Variants in AGAP1 observed in about 807,000 individuals in gnomAD.
AGAP1 encodes arf-GAP with GTPase, ANK repeat and PH domain-containing protein 1.
In AGAP1, 29 loss-of-function variants were observed where a neutral mutation model predicts 105.3. The observed-to-expected ratio is 0.28, with a 90% CI of 0.21 to 0.38. AGAP1 has a LOEUF of 0.38. Ranked by LOEUF, AGAP1 falls within the 10% of genes least tolerant of loss-of-function variation. AGAP1 has a pLI of 1.00. For synonymous variants in AGAP1, 509 were observed against 485.9 expected (o/e 1.05, Z -0.63); for missense variants, 998 against 1,165.1 (o/e 0.86, Z 2.09).
intron 15 of AGAP1, among the ~76,000 whole-genome samples, chr2:236,043,700 G>A (rs531851282): frequency 6.7e-5 from 10 of 149,822 alleles, no homozygotes; most frequent in East Asian, 2.0e-4. Flanking sequence ...CATCCTGGGC[G>A]ACAGAGTGAG....
At chr2:235,749,279 A>G (rs1219293622) in intron 5 of AGAP1, among the ~76,000 whole-genome samples, 1 of 151,780 alleles carries the variant, frequency 6.6e-6, no homozygotes, top group Non-Finnish European at 1.5e-5. Flanking sequence ...GGCTGTTCAC[A>G]TTCCAGCTCC....
rs114467284 is a variant in AGAP1 at position 235,661,414 on chromosome 2, G to A, written c.164-47765G>A. ...GCGGGAGAGTTGGGTGTGGGCGGGA[G>A]GCAGGACATTGAGGGAGCTCTGAAG... On this transcript the variant is annotated intron_variant, in intron 1 of 17. Coordinates refer to ENST00000304032, the MANE Select transcript of AGAP1 (RefSeq NM_001037131.3). Among the ~76,000 whole-genome samples the A allele has an allele frequency of 4.3e-3, 653 of 152,188 alleles. 5 individuals are homozygous for A. The highest frequency in any genetic ancestry group is 0.014 in the African/African-American group (591 of 41,518).
chr2:235,799,522 C>T lies in AGAP1; in HGVS notation c.957C>T (p.Thr319=), dbSNP rs2292708. 450,413 of 1,613,210 alleles carry T rather than the reference C, an allele frequency of 0.28. 67,803 individuals carry two copies. Among genetic ancestry groups the T allele is most frequent in the Admixed American group, 0.47 (28,160 of 59,962 alleles). The change falls in exon 8 of 18, where the codon ACC becomes ACT. Residue 319 remains threonine (T), a splice_region_variant and synonymous_variant. Transcript: ENST00000304032. This position sits in a 1 kb window ranked among gnomAD's most constrained non-coding sequence, Gnocchi z 5.0. ...CTAAGCGCCGGTCCAACCTGTTCAC[C>T]GTGAGTGTCAACCCTGGGTGGAGAT... ...KQSKRRSNLF[T]SRKGSDPDKE...
Position 236,009,678 on chromosome 2 carries a change from C to T in AGAP1, c.1646-26883C>T, listed in dbSNP as rs1050041511. Among the ~76,000 whole-genome samples the T allele has an allele frequency of 9.2e-5, 14 of 152,142 alleles. 1 individual carries two copies. The highest frequency in any genetic ancestry group is 3.1e-4 in the African/African-American group (13 of 41,424). On this transcript the variant is annotated intron_variant, in intron 13 of 17. Transcript: ENST00000304032. The surrounding 1 kb of genome is among the most constrained non-coding windows in gnomAD (Gnocchi z 4.2). ...GCACACCTCTTCAACCCATCCCCTT[C>T]CTCCATGGAGGTAAAAAGATCCTAT...
intron 9 of AGAP1, among the ~76,000 whole-genome samples, chr2:235,808,902 G>A (rs1415658442): frequency 6.6e-6 from 1 of 152,058 alleles, no homozygotes; most frequent in Non-Finnish European, 1.5e-5. Context: ...TTCTTTCTTG[G>A]TGCCTTTATT....
In AGAP1 at chr2:235,830,043, C is replaced by T. The variant is rs755521167; in HGVS notation, c.1050+22712C>T. On this transcript the variant is annotated intron_variant, in intron 9 of 17. Transcript: ENST00000304032. This position sits in a 1 kb window ranked among gnomAD's most constrained non-coding sequence, Gnocchi z 5.5. ...CACAGTCAGAAGGAAGACTGGGGGT[C>T]GGGGTGGGACAGCATGATGCAGAGC... is the stretch of plus-strand genomic sequence containing the variant. Among the ~76,000 whole-genome samples, 8 of 151,976 alleles carry T rather than the reference C, an allele frequency of 5.3e-5. No individual in the cohort carries two copies. Among genetic ancestry groups the T allele is most frequent in the Non-Finnish European group, 1.2e-4 (8 of 68,004 alleles).
intron 9 of AGAP1, among the ~76,000 whole-genome samples, chr2:235,836,835 G>A (rs893549110): frequency 2.4e-4 from 36 of 152,278 alleles, no homozygotes; most frequent in African/African-American, 7.7e-4. Flanking sequence ...AGAGCCACAG[G>A]GGCACAGACA....
chr2:236,015,798 A>G (rs1048183959), intron 13 of AGAP1, among the ~76,000 whole-genome samples: 7 of 152,120 alleles, frequency 4.6e-5, no homozygotes, highest in African/African-American at 1.7e-4. Context: ...TTATTTGGGG[A>G]TTATTATAAC....
rs1947125615 is a variant in AGAP1, at chr2:235,639,664, A to C, written c.164-69515A>C. On this transcript the variant is annotated intron_variant, in intron 1 of 17. Transcript: ENST00000304032. This position sits in a 1 kb window ranked among gnomAD's most constrained non-coding sequence, Gnocchi z 5.3. ...TTCTGGGCACACTGTTGTTTGGGGAAGAATCGCAGGGACTCTCCTTCACTC... is the reference window on the plus strand; with the variant it reads ...TTCTGGGCACACTGTTGTTTGGGGACGAATCGCAGGGACTCTCCTTCACTC... 6.6e-6 allele frequency among the ~76,000 whole-genome samples: 1 copy of C among 152,178 alleles called. No individual in the cohort carries two copies. Among genetic ancestry groups the C allele is most frequent in the African/African-American group, 2.4e-5 (1 of 41,442 alleles).
chr2:235,917,919 G>A (rs992803379), intron 11 of AGAP1, among the ~76,000 whole-genome samples: 2 of 152,144 alleles, frequency 1.3e-5, no homozygotes, highest in African/African-American at 4.8e-5. Context: ...TGTTTCAGTG[G>A]TAATAGCTAT....
At chr2:235,822,391 CGAGGAGGAGCTGGAGAAGCCCAGGGGT>C (rs1958838973) in intron 9 of AGAP1, among the ~76,000 whole-genome samples, 2 of 151,482 alleles carry the variant, frequency 1.3e-5, no homozygotes, top group Admixed American at 6.6e-5. Context: ...AGCCCAGGAG[CGAGGAGGAGCTGGAGAAGCCCAGGGGT>C]GAGGGGGAGA....
At chr2:235,768,612 A>G (rs565298365) in intron 6 of AGAP1, among the ~76,000 whole-genome samples, 17 of 152,346 alleles carry the variant, frequency 1.1e-4, no homozygotes, top group African/African-American at 3.8e-4. Flanking sequence ...TGGGGAGCCA[A>G]TGGGTAGAGC....
chr2:235,777,445 C>G lies in AGAP1; in HGVS notation c.674-20314C>G, dbSNP rs1041976089. Among the ~76,000 whole-genome samples, 2 of 152,252 alleles carry G rather than the reference C, an allele frequency of 1.3e-5. No individual in the cohort carries two copies. On this transcript the variant is annotated intron_variant, in intron 6 of 17. Transcript: ENST00000304032. This position sits in a 1 kb window ranked among gnomAD's most constrained non-coding sequence, Gnocchi z 5.1. ...AGAAGAATTACAGGTGTGAAGCGCC[C>G]GTGTGGGGCTGATTCCCACCTGCCT... is the stretch of plus-strand genomic sequence containing the variant.
intron 1 of AGAP1, among the ~76,000 whole-genome samples, chr2:235,573,122 A>C (rs1162129503): frequency 8.5e-6 from 1 of 117,820 alleles, no homozygotes; most frequent in Non-Finnish European, 1.6e-5. Flanking sequence ...TTTTTTTTAA[A>C]GATAGAATCT....
Position 236,035,129 on chromosome 2 carries a change from C to A in AGAP1, c.1646-1432C>A, listed in dbSNP as rs1192803925. ...AAGCTGGGCTAGAGGGACCAAGAGT[C>A]TGGAAGATCAGAGGTCCGTGCAGTA... On this transcript the variant is annotated intron_variant, in intron 13 of 17. Transcript: ENST00000304032. The surrounding 1 kb of genome is among the most constrained non-coding windows in gnomAD (Gnocchi z 4.2). 1.3e-5 allele frequency among the ~76,000 whole-genome samples: 2 copies of A among 152,150 alleles called. No homozygotes were observed. The highest frequency in any genetic ancestry group is 2.9e-5 in the Non-Finnish European group (2 of 68,032).
At chr2:235,987,017 C>A (rs2125434222) in intron 13 of AGAP1, among the ~76,000 whole-genome samples, 1 of 152,138 alleles carries the variant, frequency 6.6e-6, no homozygotes, top group South Asian at 2.1e-4. Context: ...GTCTCCTTTT[C>A]AATTGTTTGG....
At chr2:235,966,632 G>A (rs1300416605) in intron 12 of AGAP1, among the ~76,000 whole-genome samples, 1 of 152,108 alleles carries the variant, frequency 6.6e-6, no homozygotes, top group African/African-American at 2.4e-5. Context: ...GTGAGTGAGT[G>A]ACCACCCACA....
chr2:235,832,206 A>G lies in AGAP1; in HGVS notation c.1050+24875A>G, dbSNP rs73998951. ...AAGGGTTCTTTGTATGTTTTGGATAATATTCCTTTTCAGATGTGTTTTTTA... is the reference window on the plus strand; with the variant it reads ...AAGGGTTCTTTGTATGTTTTGGATAGTATTCCTTTTCAGATGTGTTTTTTA... On this transcript the variant is annotated intron_variant, in intron 9 of 17. Coordinates refer to ENST00000304032, the MANE Select transcript of AGAP1 (RefSeq NM_001037131.3). Among the ~76,000 whole-genome samples, 466 of 152,122 alleles carry G rather than the reference A, an allele frequency of 3.1e-3. 5 individuals are homozygous for G. The highest frequency in any genetic ancestry group is 0.011 in the African/African-American group (455 of 41,484).
rs1055774801 is a variant in AGAP1, at chr2:235,961,680, CG to C, written c.1484-6780del. 2.0e-5 allele frequency among the ~76,000 whole-genome samples: 3 copies of C among 152,096 alleles called. No individual in the cohort carries two copies. The highest frequency in any genetic ancestry group is 4.4e-5 in the Non-Finnish European group (3 of 68,028). ...ATCCCAGCACTTTGGGAGGCCAAGG[CG>C]GATGGATCATGAGGTCAAGAGATCG... On this transcript the variant is annotated intron_variant, in intron 12 of 17. Transcript: ENST00000304032. The surrounding 1 kb of genome is among the most constrained non-coding windows in gnomAD (Gnocchi z 5.9).
Sources: gnomAD v4.1 joint callset for allele counts (sites outside exome capture counted in the v4.1 genomes callset) on GRCh38, gnomAD v4.1.1 for gene constraint, Gnocchi (gnomAD v3.1) non-coding constraint, MANE v1.5 for transcripts, NCBI Gene and HGNC (gene_info 2026-07-23, HGNC 2026-07-21) for gene names.